The following TAX1BP1 variants were observed in gnomAD, a reference collection of about 807,000 sequenced individuals.
The protein encoded by TAX1BP1 is tax1-binding protein 1.
A neutral mutation model predicts 97.7 loss-of-function variants in TAX1BP1; 62 were observed. The observed-to-expected ratio is 0.63, with a 90% CI of 0.52 to 0.78. The LOEUF is 0.78. Among genes scored for constraint, TAX1BP1 ranks in the 30% least tolerant of loss-of-function variants. The pLI is 0.00. For synonymous variants in TAX1BP1, 340 were observed against 304.2 expected, an observed-to-expected ratio of 1.12 and a Z score of -1.23; for missense variants, 867 against 916.1, an observed-to-expected ratio of 0.95 and a Z score of 0.69.
chr7:27,785,554 G>A, intron 7 of TAX1BP1, 65 bp downstream of exon 7: 2 of 1,367,264 alleles, frequency 1.5e-6, no homozygotes, highest in Admixed American at 4.1e-5. Flanking sequence ...GAACTTAGGG[G>A]CTGTAGGTCA....
chr7:27,821,495 C>T (rs1041611002), intron 15 of TAX1BP1, among the ~76,000 whole-genome samples: 2 of 151,850 alleles, frequency 1.3e-5, no homozygotes, highest in Non-Finnish European at 2.9e-5. Context: ...TTTATCTGGG[C>T]ATGGTGGTGC....
chr7:27,827,775 G>A lies in TAX1BP1; in HGVS notation c.2123G>A (p.Ser708Asn), dbSNP rs570040571. Residue 708 changes from serine (S) to asparagine (N), a missense_variant, in exon 16 of 17, where the codon AGT becomes AAT. Transcript: ENST00000396319. ...GTGCCTACTGCTCCTGATCCTCCAA[G>A]TCAACATTTACGTGGGCATGGGACA... The part of the protein sequence containing the change: ...ENVPTAPDPP[S>N]QHLRGHGTGF... 1.2e-6 allele frequency: 2 copies of A among 1,613,822 alleles called. No individual in the cohort carries two copies. The highest frequency in any genetic ancestry group is 8.5e-7 in the Non-Finnish European group (1 of 1,179,908).
intron 13 of TAX1BP1, among the ~76,000 whole-genome samples, chr7:27,801,944 T>C (rs542694436): frequency 6.6e-5 from 10 of 152,284 alleles, no homozygotes; most frequent in Admixed American, 3.9e-4. Flanking sequence ...GAAGACATTA[T>C]GGAGTAACTA....
chr7:27,766,570 A>G, intron 4 of TAX1BP1, among the ~76,000 whole-genome samples: 1 of 151,524 alleles, frequency 6.6e-6, no homozygotes, highest in East Asian at 1.9e-4. Flanking sequence ...TGTGGCAGAG[A>G]CTTTCCCTAG....
intron 9 of TAX1BP1, 129 bp from the exon 10 acceptor site, chr7:27,792,936 TG>T: frequency 1.3e-6 from 1 of 771,768 alleles, no homozygotes; most frequent in Non-Finnish European, 2.0e-6. Flanking sequence ...TGTTTCAGCC[TG>T]GGTGACAGAG....
chr7:27,828,577 G>C, intron 16 of TAX1BP1, 51 bp from the exon 17 acceptor site: 1 of 1,560,088 alleles, frequency 6.4e-7, no homozygotes, highest in Non-Finnish European at 8.8e-7. Flanking sequence ...TGGACAAGTT[G>C]TTGTTCTACA....
chr7:27,814,463 A>G (rs545093987), intron 13 of TAX1BP1, among the ~76,000 whole-genome samples: 2 of 151,700 alleles, frequency 1.3e-5, no homozygotes, highest in African/African-American at 4.8e-5. Context: ...TTGGGGGGGG[A>G]ATTAATAGCA....
At chr7:27,757,879 A>G in intron 2 of TAX1BP1, 152 bp from the exon 3 acceptor site, 2 of 482,664 alleles carry the variant, frequency 4.1e-6, no homozygotes, top group Non-Finnish European at 7.4e-6. Flanking sequence ...TAATTTAGAA[A>G]TAATTTGACA....
chr7:27,760,243 A>G (rs1175966419), intron 3 of TAX1BP1, among the ~76,000 whole-genome samples: 1 of 152,132 alleles, frequency 6.6e-6, no homozygotes, highest in East Asian at 1.9e-4. Context: ...ATTTGTTTTA[A>G]CAAACTAAAA....
At chr7:27,793,776 T>C (rs1209099085) in intron 10 of TAX1BP1, among the ~76,000 whole-genome samples, 1 of 152,360 alleles carries the variant, frequency 6.6e-6, no homozygotes, top group African/African-American at 2.4e-5. Flanking sequence ...GTCCTTAAAC[T>C]GTGCTTAAAT....
In TAX1BP1 at chr7:27,828,846, G is replaced by C; in HGVS notation, c.*17G>C. On this transcript the variant is annotated 3_prime_UTR_variant, in exon 17 of 17. Transcript: ENST00000396319. ...TTTGACTAGTTACTTTTTATTATGAGTTAATATAGTTTAGCAGTAAAAAAA... is the reference window on the plus strand; with the variant it reads ...TTTGACTAGTTACTTTTTATTATGACTTAATATAGTTTAGCAGTAAAAAAA... 2.0e-6 allele frequency: 2 copies of C among 1,002,740 alleles called. No individual in the cohort carries two copies. Among genetic ancestry groups the C allele is most frequent in the Non-Finnish European group, 3.0e-6 (2 of 666,788 alleles). 62.1% of individuals were successfully genotyped at this position (1,002,740 alleles called of 1,614,324 possible). A position where few individuals can be genotyped will look rare whatever the true frequency, so the allele number is the denominator to read the frequency against.
At chr7:27,785,067 A>C in intron 5 of TAX1BP1, 96 bp from the exon 6 acceptor site, 1 of 1,283,314 alleles carries the variant, frequency 7.8e-7, no homozygotes, top group South Asian at 1.7e-5. Context: ...GTGGGATTAA[A>C]ATTCTAAGAA....
intron 7 of TAX1BP1, among the ~76,000 whole-genome samples, chr7:27,785,991 CATATAT>C (rs766971586): frequency 2.0e-5 from 3 of 151,382 alleles, no homozygotes; most frequent in African/African-American, 7.3e-5. Flanking sequence ...TTTTTAAGAA[CATATAT>C]ATATATACAC....
chr7:27,781,005 T>C (rs1789233131), intron 5 of TAX1BP1, among the ~76,000 whole-genome samples: 1 of 152,084 alleles, frequency 6.6e-6, no homozygotes, highest in Non-Finnish European at 1.5e-5. Flanking sequence ...ACTTATTCCC[T>C]AACTCTTTAA....
At chr7:27,778,370 C>G (rs557723633) in intron 5 of TAX1BP1, among the ~76,000 whole-genome samples, 1 of 152,076 alleles carries the variant, frequency 6.6e-6, no homozygotes, top group Non-Finnish European at 1.5e-5. Context: ...TTCGCCTAGT[C>G]ACACTCTTGA....
At chr7:27,763,532 C>T (rs762274932) in intron 3 of TAX1BP1, among the ~76,000 whole-genome samples, 22 of 152,096 alleles carry the variant, frequency 1.4e-4, no homozygotes, top group East Asian at 5.8e-4. Flanking sequence ...TTTGGGAGGC[C>T]GGGGCGGGTG....
At chr7:27,793,007 A>G (rs969424996) in intron 9 of TAX1BP1, 59 bp from the exon 10 acceptor site, 15 of 1,431,664 alleles carry the variant, frequency 1.0e-5, no homozygotes, top group East Asian at 7.3e-5. Flanking sequence ...TGGGGTTACT[A>G]TTAACATTAG....
Position 27,828,751 on chromosome 7 carries a change from C to T in TAX1BP1, c.2292C>T (p.Phe764=). Residue 764 remains phenylalanine, a synonymous_variant, in exon 17 of 17, where the codon TTC becomes TTT. Transcript: ENST00000396319. ...WKVCPMCSEQ[F]PPDYDQQVFE... ...TGTGCCCGATGTGCAGCGAGCAGTTCCCTCCTGACTATGACCAGCAGGTGT... is the reference window on the plus strand; with the variant it reads ...TGTGCCCGATGTGCAGCGAGCAGTTTCCTCCTGACTATGACCAGCAGGTGT... The T allele has an allele frequency of 1.9e-6, 3 of 1,613,976 alleles. No individual in the cohort carries two copies. The highest frequency in any genetic ancestry group is 2.5e-6 in the Non-Finnish European group (3 of 1,179,974).
chr7:27,756,888 G>T (rs955880297), intron 2 of TAX1BP1, among the ~76,000 whole-genome samples: 1 of 152,078 alleles, frequency 6.6e-6, no homozygotes, highest in Non-Finnish European at 1.5e-5. Context: ...AAAGTAAATT[G>T]TAAGATTTGT....
Sources: gnomAD v4.1 joint callset for allele counts (sites outside exome capture counted in the v4.1 genomes callset) on GRCh38, gnomAD v4.1.1 for gene constraint, MANE v1.5 for transcripts, NCBI Gene and HGNC (gene_info 2026-07-23, HGNC 2026-07-21) for gene names.